TMBIM6: variants seen among roughly 807,000 people sequenced by gnomAD.
TMBIM6 encodes transmembrane BAX inhibitor motif containing 6.
Under a neutral mutation model 31.4 loss-of-function variants are expected in TMBIM6, and 13 were observed. That is an observed-to-expected ratio of 0.41 (90% CI 0.27 to 0.66). The LOEUF (loss-of-function observed/expected upper bound fraction) is 0.66, where lower values mean the gene tolerates loss of function less well. TMBIM6 is among the 30% of genes least tolerant of loss of function. The pLI is 0.28. For synonymous variants in TMBIM6, 85 were observed against 101.7 expected, an observed-to-expected ratio of 0.84 and a Z score of 0.99; for missense variants, 275 against 289.5, an observed-to-expected ratio of 0.95 and a Z score of 0.36.
chr12:49,759,368 C>T, intron 8 of TMBIM6, 47 bp downstream of exon 8: 1 of 1,515,606 alleles, frequency 6.6e-7, no homozygotes, highest in Non-Finnish European at 9.2e-7. Context: ...TTGAGGCATA[C>T]CGTTCAGCAG....
chr12:49,761,136 CTTTT>C (rs368267955), intron 8 of TMBIM6, among the ~76,000 whole-genome samples: 1 of 150,734 alleles, frequency 6.6e-6, no homozygotes, highest in African/African-American at 2.4e-5. Context: ...GTGCTCGGCA[CTTTT>C]TTTTTAATGT....
chr12:49,749,385 G>A (rs1162125327), intron 1 of TMBIM6, among the ~76,000 whole-genome samples: 1 of 151,774 alleles, frequency 6.6e-6, no homozygotes, highest in Non-Finnish European at 1.5e-5. Context: ...CCCATCATAA[G>A]TTGAAAATAC....
chr12:49,750,432 T>A (rs1945474386), intron 1 of TMBIM6, among the ~76,000 whole-genome samples: 1 of 152,192 alleles, frequency 6.6e-6, no homozygotes, highest in Non-Finnish European at 1.5e-5. Context: ...TGTCTAGGGA[T>A]GTCATTAGGG....
chr12:49,748,599 C>G lies in TMBIM6; in HGVS notation c.-30-3865C>G, dbSNP rs140973581. ...GACAGCTTCTGACAGGTTTTCCTCT[C>G]CTGGGATGAAGGCATAACAGGAGGC... On this transcript the variant is annotated intron_variant, in intron 1 of 9. Coordinates refer to ENST00000267115, the MANE Select transcript of TMBIM6 (RefSeq NM_003217.3). 1.2e-3 allele frequency among the ~76,000 whole-genome samples: 181 copies of G among 152,294 alleles called. 5 individuals carry two copies. In the East Asian group the frequency reaches 0.032, roughly 27 times the overall value.
intron 8 of TMBIM6, among the ~76,000 whole-genome samples, chr12:49,759,631 C>T (rs1412814248): frequency 6.6e-6 from 1 of 151,914 alleles, no homozygotes; most frequent in Non-Finnish European, 1.5e-5. Flanking sequence ...ATGGCGAAAT[C>T]CCATCTCTAC....
intron 1 of TMBIM6, among the ~76,000 whole-genome samples, chr12:49,747,816 T>C (rs1265151173): frequency 3.3e-5 from 5 of 152,238 alleles, no homozygotes; most frequent in Non-Finnish European, 5.9e-5. Flanking sequence ...TTGTTTTGCA[T>C]AGCTTTTGGC....
chr12:49,762,762 C>G, intron 9 of TMBIM6, 111 bp from the exon 10 acceptor site: 1 of 1,026,770 alleles, frequency 9.7e-7, no homozygotes, highest in Non-Finnish European at 1.5e-6. Context: ...TTTCTCATTT[C>G]TTTTTAATTG....
Position 49,758,683 on chromosome 12 carries a change from G to T in TMBIM6, c.434G>T (p.Gly145Val). 2 of 1,614,118 alleles carry T rather than the reference G, an allele frequency of 1.2e-6. No homozygotes were observed. Among genetic ancestry groups the T allele is most frequent in the South Asian group, 1.1e-5 (1 of 91,076 alleles). ...ARRRSYLFLG[G>V]ILMSALSLLL... The stretch of plus-strand genomic sequence containing the variant: ...GACAGCTTTTTGCTGTGTCTTATAG[G>T]TATCTTGATGTCAGCCCTGAGCTTG... The change falls in exon 7 of 10, where the codon GGT (glycine) becomes GTT (valine). Residue 145 changes from glycine (G) to valine (V), a missense_variant and splice_region_variant. Gly to Val is a moderately radical substitution (Grantham distance 109). Coordinates refer to ENST00000267115, the MANE Select transcript of TMBIM6 (RefSeq NM_003217.3).
At chr12:49,742,417 T>TC in intron 1 of TMBIM6, 3 of 1,237,950 alleles carry the variant, frequency 2.4e-6, no homozygotes, top group Non-Finnish European at 1.1e-6. Flanking sequence ...TTTGGTATCT[T>TC]TGTATATTTA....
chr12:49,750,941 C>T (rs1027271685), intron 1 of TMBIM6, among the ~76,000 whole-genome samples: 1 of 152,270 alleles, frequency 6.6e-6, no homozygotes, highest in South Asian at 2.1e-4. Flanking sequence ...CAGTAGGTGG[C>T]GTTTCACACA....
At chr12:49,753,164 C>CCT in intron 3 of TMBIM6, 83 bp downstream of exon 3, 3 of 957,796 alleles carry the variant, frequency 3.1e-6, no homozygotes, top group Non-Finnish European at 4.8e-6. Context: ...CCAAGGGACC[C>CCT]TGTTCCTCTC....
chr12:49,755,950 T>C (rs1367023785), intron 4 of TMBIM6, among the ~76,000 whole-genome samples, 195 bp downstream of exon 4: 1 of 150,802 alleles, frequency 6.6e-6, no homozygotes. Flanking sequence ...TCTTCTGCTT[T>C]AGCCTCCCGT....
At chr12:49,747,028 G>A (rs1008673227) in intron 1 of TMBIM6, among the ~76,000 whole-genome samples, 3 of 151,956 alleles carry the variant, frequency 2.0e-5, no homozygotes, top group African/African-American at 7.3e-5. Flanking sequence ...ACTAGAGACT[G>A]GGTGTCACCA....
intron 1 of TMBIM6, among the ~76,000 whole-genome samples, chr12:49,743,803 A>C (rs189744859): frequency 6.6e-6 from 1 of 152,306 alleles, no homozygotes; most frequent in Non-Finnish European, 1.5e-5. Flanking sequence ...AGAGCACTAG[A>C]CTATAGTGGT....
chr12:49,749,381 A>G (rs542015275), intron 1 of TMBIM6, among the ~76,000 whole-genome samples: 2 of 152,168 alleles, frequency 1.3e-5, no homozygotes, highest in Admixed American at 1.3e-4. Flanking sequence ...AAACCCCATC[A>G]TAAGTTGAAA....
At chr12:49,742,454 C>A (rs1379923896) in intron 1 of TMBIM6, 1 of 880,396 alleles carries the variant, frequency 1.1e-6, no homozygotes, top group Non-Finnish European at 1.6e-6. Context: ...TACCCGGTGC[C>A]AGCCCGGGCT....
chr12:49,761,584 G>T (rs957554118), intron 8 of TMBIM6, 120 bp from the exon 9 acceptor site: 46 of 792,854 alleles, frequency 5.8e-5, no homozygotes, highest in African/African-American at 8.7e-5. Context: ...CTTAGTTGGG[G>T]GTAAAGTGTG....
Position 49,763,273 on chromosome 12 carries a change from C to T in TMBIM6, c.*377C>T. ...TGAACTGTTTGGTAGAGCCACCCGG[C>T]CCTTCCTTCCTCATTGTTGTTTGGT... On this transcript the variant is annotated 3_prime_UTR_variant, in exon 10 of 10. Coordinates refer to ENST00000267115, the MANE Select transcript of TMBIM6 (RefSeq NM_003217.3). 5.5e-6 allele frequency: 1 copy of T among 181,324 alleles called. No individual in the cohort carries two copies. The highest frequency in any genetic ancestry group is 1.2e-5 in the Non-Finnish European group (1 of 84,962). The allele number at this position is 181,324 out of a possible 1,614,324, so 11.2% of individuals were successfully genotyped here. A position where few individuals can be genotyped will look rare whatever the true frequency, so the allele number is the denominator to read the frequency against.
intron 3 of TMBIM6, 58 bp downstream of exon 3, chr12:49,753,139 G>A: frequency 6.9e-7 from 1 of 1,445,446 alleles, no homozygotes; most frequent in Admixed American, 1.8e-5. Flanking sequence ...GAAAAAACCA[G>A]CTCAGCAAGG....
Sources: gnomAD v4.1 joint callset for allele counts (sites outside exome capture counted in the v4.1 genomes callset) on GRCh38, gnomAD v4.1.1 for gene constraint, MANE v1.5 for transcripts, NCBI Gene and HGNC (gene_info 2026-07-23, HGNC 2026-07-21) for gene names.